LAPTM4B: variants seen among roughly 807,000 people sequenced by gnomAD.
LAPTM4B encodes the protein lysosomal-associated transmembrane protein 4B.
In LAPTM4B, 26 loss-of-function variants were observed where a neutral mutation model predicts 28.5. That is an observed-to-expected ratio of 0.91 (90% CI 0.67 to 1.27). The LOEUF is 1.27. Among genes scored for constraint, LAPTM4B ranks in the 50% most tolerant of loss-of-function variants. LAPTM4B has a pLI of 0.00. For missense variants in LAPTM4B, 288 were observed against 285.8 expected, an observed-to-expected ratio of 1.01 and a Z score of -0.06; for synonymous variants, 109 against 106.4, an observed-to-expected ratio of 1.02 and a Z score of -0.15.
At chr8:97,816,778 A>G (rs1197113753) in intron 4 of LAPTM4B, among the ~76,000 whole-genome samples, 1 of 152,158 alleles carries the variant, frequency 6.6e-6, no homozygotes, top group Non-Finnish European at 1.5e-5. Flanking sequence ...CTGCTCAAAA[A>G]CAAACAAAAT....
At chr8:97,829,217 G>A (rs925695345) in intron 6 of LAPTM4B, among the ~76,000 whole-genome samples, 4 of 152,142 alleles carry the variant, frequency 2.6e-5, no homozygotes, top group African/African-American at 4.8e-5. Context: ...ATAAGAAAGC[G>A]CTTGGTATCT....
intron 6 of LAPTM4B, among the ~76,000 whole-genome samples, chr8:97,849,961 T>A (rs1817498151): frequency 6.6e-6 from 1 of 151,868 alleles, no homozygotes; most frequent in Admixed American, 6.5e-5. Context: ...CGGGAACGGC[T>A]TCCCGCAGGT....
chr8:97,797,281 T>C (rs980714574), intron 1 of LAPTM4B, among the ~76,000 whole-genome samples: 2 of 152,002 alleles, frequency 1.3e-5, no homozygotes, highest in Non-Finnish European at 2.9e-5. Context: ...ATTACAGACA[T>C]GCGCCACCAC....
Position 97,775,977 on chromosome 8 carries a change from TGC to T in LAPTM4B, c.-24_-23del. ...GAGGCGGTCGACGCTCCTGAAAACT[TGC>T]GCGCGCGCTCGCGCCACTGCGCCCG... On this transcript the variant is annotated 5_prime_UTR_variant, in exon 1 of 7. Coordinates refer to ENST00000521545, the MANE Select transcript of LAPTM4B (RefSeq NM_018407.6). 3.9e-6 allele frequency: 6 copies of T among 1,546,774 alleles called. No homozygotes were observed. The highest frequency in any genetic ancestry group is 3.9e-5 in the Admixed American group (2 of 51,686).
chr8:97,796,934 TATCTCAATAAATAAATAA>T (rs1279519980), intron 1 of LAPTM4B, among the ~76,000 whole-genome samples: 1 of 151,946 alleles, frequency 6.6e-6, no homozygotes, highest in East Asian at 1.9e-4. Context: ...AGTGAGACTC[TATCTCAATAAATAAATAA>T]ATCTCAATAA....
At chr8:97,818,117 T>A (rs1322414907) in intron 4 of LAPTM4B, among the ~76,000 whole-genome samples, 3 of 152,222 alleles carry the variant, frequency 2.0e-5, no homozygotes, top group African/African-American at 4.8e-5. Flanking sequence ...TTGGCCAAGT[T>A]ATTTTATTAA....
intron 1 of LAPTM4B, among the ~76,000 whole-genome samples, chr8:97,790,523 G>A (rs927207534): frequency 2.0e-5 from 3 of 151,870 alleles, no homozygotes; most frequent in African/African-American, 7.3e-5. Context: ...TGTTGGCCAG[G>A]CTGGTCTCGA....
At chr8:97,841,683 A>G (rs931723152) in intron 6 of LAPTM4B, among the ~76,000 whole-genome samples, 7 of 152,194 alleles carry the variant, frequency 4.6e-5, no homozygotes, top group African/African-American at 1.7e-4. Flanking sequence ...CAAATGCCCA[A>G]ATAACTCTGT....
chr8:97,816,433 G>C (rs1044333372), intron 4 of LAPTM4B, among the ~76,000 whole-genome samples: 3 of 152,092 alleles, frequency 2.0e-5, no homozygotes, highest in African/African-American at 7.2e-5. Flanking sequence ...AGCTAGCTGG[G>C]ATTATAGGCA....
rs556056714 is a variant in LAPTM4B at position 97,828,874 on chromosome 8, G to A, written c.603+3721G>A. Among the ~76,000 whole-genome samples, 109 of 152,302 alleles carry A rather than the reference G, an allele frequency of 7.2e-4. 1 individual carries two copies. In the South Asian group the frequency reaches 0.021, roughly 30 times the overall value. ...AATCCTATAAGCAAGGGAATTCATC[G>A]AATGACTCTTTTTTGTCTTGTTGGA... is the stretch of plus-strand genomic sequence containing the variant. On this transcript the variant is annotated intron_variant, in intron 6 of 6. Transcript: ENST00000521545.
intron 1 of LAPTM4B, among the ~76,000 whole-genome samples, chr8:97,785,233 A>C (rs1816382903): frequency 6.6e-6 from 1 of 151,138 alleles, no homozygotes; most frequent in East Asian, 2.0e-4. Context: ...TTACAGGCGC[A>C]GGCCACCACG....
intron 6 of LAPTM4B, among the ~76,000 whole-genome samples, chr8:97,848,797 T>C (rs895514044): frequency 6.6e-6 from 1 of 152,258 alleles, no homozygotes; most frequent in Non-Finnish European, 1.5e-5. Context: ...TCTGGTGCGG[T>C]CACAGCTGTT....
chr8:97,838,586 A>C (rs924546535), intron 6 of LAPTM4B, among the ~76,000 whole-genome samples: 9 of 152,048 alleles, frequency 5.9e-5, no homozygotes, highest in Admixed American at 5.2e-4. Context: ...CAGGAGGGGG[A>C]CTACAACCTG....
chr8:97,776,499 A>G (rs768643673), intron 1 of LAPTM4B, among the ~76,000 whole-genome samples: 4 of 152,152 alleles, frequency 2.6e-5, no homozygotes, highest in Non-Finnish European at 5.9e-5. Flanking sequence ...TTGTGTTTCG[A>G]CGGCTGCGGA....
rs1817146114 is a variant in LAPTM4B at position 97,829,475 on chromosome 8, G to A, written c.603+4322G>A. Among the ~76,000 whole-genome samples, 4 of 152,228 alleles carry A rather than the reference G, an allele frequency of 2.6e-5. No homozygotes were observed. The South Asian group carries it at 8.3e-4, about 32-fold the overall frequency. On this transcript the variant is annotated intron_variant, in intron 6 of 6. Transcript: ENST00000521545. ...GGAGGTGAAGAGTAAAGGAACATAA[G>A]GAAGACGGGAGGTTACCTAAGGGAA...
Position 97,815,347 on chromosome 8 carries a change from G to A in LAPTM4B, c.231G>A (p.Ala77=). The A allele has an allele frequency of 1.9e-6, 3 of 1,613,946 alleles. No individual in the cohort carries two copies. The highest frequency in any genetic ancestry group is 1.3e-5 in the African/African-American group (1 of 74,996). ...CGGCAGACATGTGCATTGCCATTGC[G>A]ATTTCTCTTCTCATGATCCTGATAT... The part of the protein sequence containing the change: ...MDDANMCIAI[A]ISLLMILICA... The change falls in exon 3 of 7, where the codon GCG becomes GCA. Residue 77 remains alanine (A), a synonymous_variant. Transcript: ENST00000521545.
chr8:97,792,712 TG>T (rs1816522975), intron 1 of LAPTM4B, among the ~76,000 whole-genome samples: 1 of 152,174 alleles, frequency 6.6e-6, no homozygotes, highest in Admixed American at 6.5e-5. Context: ...CCCAAGTAGC[TG>T]GGATTACAGG....
At position 97,798,545 on chromosome 8, in the gene LAPTM4B, G is replaced by A. The variant is rs1816625984; in HGVS notation, c.100-6808G>A. Among the ~76,000 whole-genome samples the A allele has an allele frequency of 2.6e-5, 4 of 152,218 alleles. No homozygotes were observed. In the South Asian group the frequency reaches 8.3e-4, roughly 32 times the overall value. ...GCCTCGCGAAGAACCAGGGCACCTGGACAGGGACTTGGTCCCCCGAGAGAA... is the reference window on the plus strand; with the variant it reads ...GCCTCGCGAAGAACCAGGGCACCTGAACAGGGACTTGGTCCCCCGAGAGAA... On this transcript the variant is annotated intron_variant, in intron 1 of 6. Coordinates refer to ENST00000521545, the MANE Select transcript of LAPTM4B (RefSeq NM_018407.6).
chr8:97,776,024 G>C lies in LAPTM4B; in HGVS notation c.15G>C (p.Ala5=), dbSNP rs1391248869. The change falls in exon 1 of 7, where the codon GCG becomes GCC. Residue 5 remains alanine, a synonymous_variant. Transcript: ENST00000521545. MKMV[A]PWTRFYSNSC... is the part of the protein sequence containing the mutation. ...CGCCCGGAGCGATGAAGATGGTCGCGCCCTGGACGCGGTTCTACTCCAACA... is the reference window on the plus strand; with the variant it reads ...CGCCCGGAGCGATGAAGATGGTCGCCCCCTGGACGCGGTTCTACTCCAACA... 4.4e-6 allele frequency: 7 copies of C among 1,579,470 alleles called. No individual in the cohort carries two copies. Among genetic ancestry groups the C allele is most frequent in the East Asian group, 2.5e-5 (1 of 39,674 alleles).
Sources: allele counts gnomAD v4.1 joint callset (sites outside exome capture counted in the v4.1 genomes callset), GRCh38; gene constraint gnomAD v4.1.1; transcripts MANE v1.5; gene names NCBI Gene and HGNC (gene_info 2026-07-23, HGNC 2026-07-21).